Variants in CACNA1C observed in about 807,000 individuals in gnomAD.
CACNA1C encodes voltage-dependent L-type calcium channel subunit alpha-1C.
Under a neutral mutation model 229.0 loss-of-function variants are expected in CACNA1C, and 30 were observed. That is an observed-to-expected ratio of 0.13 (90% CI 0.10 to 0.18). CACNA1C has a LOEUF of 0.18. Among genes scored for constraint, CACNA1C ranks in the 10% least tolerant of loss-of-function variants. CACNA1C has a pLI of 1.00. For missense variants in CACNA1C, 1,658 were observed against 2,845.0 expected (o/e 0.58, Z 9.49); for synonymous variants, 1,114 against 1,132.5 (o/e 0.98, Z 0.33).
intron 1 of CACNA1C, among the ~76,000 whole-genome samples, chr12:2,110,284 A>AG (rs1164393688): frequency 6.6e-6 from 1 of 152,208 alleles, no homozygotes; most frequent in East Asian, 1.9e-4. Flanking sequence ...TGCTGTCTTC[A>AG]GGGGAGCTGG....
chr12:2,531,927 AACTTACCAGTC>A (rs1797265905), intron 9 of CACNA1C, among the ~76,000 whole-genome samples: 1 of 152,104 alleles, frequency 6.6e-6, no homozygotes, highest in African/African-American at 2.4e-5. Context: ...TCCGTGTAGG[AACTTACCAGTC>A]ACAAAAAACC....
intron 29 of CACNA1C, among the ~76,000 whole-genome samples, chr12:2,617,143 TC>T (rs2081062002): frequency 6.6e-6 from 1 of 152,140 alleles, no homozygotes; most frequent in Non-Finnish European, 1.5e-5. Flanking sequence ...GTTTCTCCGG[TC>T]CCCCACCTGT....
chr12:2,665,760 T>C lies in CACNA1C; in HGVS notation c.4526+52T>C. ...TCCCCAAGCTGAGAGAGGGTATAGC[T>C]GACCATACCTGCAGGAGGGGCTCAA... On this transcript the variant is annotated intron_variant, in intron 36 of 46. Transcript: ENST00000399655. The surrounding 1 kb of genome is among the most constrained non-coding windows in gnomAD (Gnocchi z 5.9). The C allele has an allele frequency of 6.4e-7, 1 of 1,562,782 alleles. No homozygotes were observed. The highest frequency in any genetic ancestry group is 1.4e-5 in the African/African-American group (1 of 73,412).
intron 3 of CACNA1C, among the ~76,000 whole-genome samples, chr12:2,176,693 C>T (rs537219306): frequency 2.6e-5 from 4 of 152,104 alleles, no homozygotes; most frequent in Admixed American, 6.5e-5. Flanking sequence ...CATTCTCGAG[C>T]GCTTCAGGAC....
intron 5 of CACNA1C, among the ~76,000 whole-genome samples, chr12:2,464,965 A>G (rs2099540909): frequency 6.6e-6 from 1 of 152,244 alleles, no homozygotes; most frequent in Admixed American, 6.5e-5. Context: ...GAATCAGACT[A>G]CTTACTGGCT....
intron 3 of CACNA1C, among the ~76,000 whole-genome samples, chr12:2,438,798 G>A (rs1157116828): frequency 1.3e-5 from 2 of 152,080 alleles, no homozygotes; most frequent in Non-Finnish European, 2.9e-5. Context: ...ACCCATGATG[G>A]GGGCCTGAGT....
intron 43 of CACNA1C, among the ~76,000 whole-genome samples, chr12:2,683,725 ATT>A (rs2097294619): frequency 6.6e-6 from 1 of 152,102 alleles, no homozygotes; most frequent in Non-Finnish European, 1.5e-5. Flanking sequence ...CCACTTCTCT[ATT>A]ATTTTCTGAG....
intron 3 of CACNA1C, among the ~76,000 whole-genome samples, chr12:2,398,991 A>G (rs1165335146): frequency 6.6e-6 from 1 of 152,166 alleles, no homozygotes; most frequent in Non-Finnish European, 1.5e-5. Flanking sequence ...GGCTTTGGGT[A>G]CAGTTTGACC....
intron 3 of CACNA1C, among the ~76,000 whole-genome samples, chr12:2,418,888 G>A (rs888229521): frequency 6.6e-5 from 10 of 152,134 alleles, no homozygotes; most frequent in African/African-American, 1.9e-4. Flanking sequence ...GGAGCTGAGG[G>A]GTTCTTTACC....
chr12:2,131,850 T>G (rs896713477), intron 3 of CACNA1C, among the ~76,000 whole-genome samples: 1 of 148,518 alleles, frequency 6.7e-6, no homozygotes, highest in African/African-American at 2.6e-5. Context: ...AGAAAGTCAT[T>G]GGTAGCTTGA....
At chr12:2,294,288 G>A (rs1487161657) in intron 3 of CACNA1C, among the ~76,000 whole-genome samples, 1 of 152,128 alleles carries the variant, frequency 6.6e-6, no homozygotes, top group Non-Finnish European at 1.5e-5. Context: ...AGCGGTGGTG[G>A]GTCCTGGCAG....
chr12:2,587,642 G>A (rs923066871), intron 18 of CACNA1C, among the ~76,000 whole-genome samples: 2 of 152,104 alleles, frequency 1.3e-5, no homozygotes, highest in African/African-American at 2.4e-5. Flanking sequence ...TCACCAGGTC[G>A]GCCATCCTAG....
chr12:2,552,623 T>C (rs1193071982), intron 10 of CACNA1C, among the ~76,000 whole-genome samples: 1 of 152,112 alleles, frequency 6.6e-6, no homozygotes, highest in Non-Finnish European at 1.5e-5. Flanking sequence ...CAGGGAGGAA[T>C]GAGAAGCTGC....
At chr12:2,083,909 A>G (rs1477704528) in intron 1 of CACNA1C, among the ~76,000 whole-genome samples, 1 of 152,270 alleles carries the variant, frequency 6.6e-6, no homozygotes, top group Non-Finnish European at 1.5e-5. Flanking sequence ...CACTGGGAAT[A>G]AAACACTGAA....
In CACNA1C at chr12:2,697,620, A is replaced by T. The variant is rs1458853761; in HGVS notation, c.*6421A>T. 1 of 151,808 alleles carries T rather than the reference A, an allele frequency of 6.6e-6. No homozygotes were observed. Among genetic ancestry groups the T allele is most frequent in the African/African-American group, 2.4e-5 (1 of 41,284 alleles). 9.4% of individuals were successfully genotyped at this position (151,808 alleles called of 1,614,324 possible). A position where few individuals can be genotyped will look rare whatever the true frequency, so the allele number is the denominator to read the frequency against. Reference sequence around the variant, plus strand: ...AAAGATGGGCAGTGCCTCCGTTGTCACCATTCCCCACACCCCTACACACCC... The same window carrying T: ...AAAGATGGGCAGTGCCTCCGTTGTCTCCATTCCCCACACCCCTACACACCC... On this transcript the variant is annotated 3_prime_UTR_variant, in exon 47 of 47. Coordinates refer to ENST00000399655, the MANE Select transcript of CACNA1C (RefSeq NM_000719.7).
At chr12:2,185,297 T>C (rs2096963276) in intron 3 of CACNA1C, among the ~76,000 whole-genome samples, 2 of 152,180 alleles carry the variant, frequency 1.3e-5, no homozygotes. Context: ...GAGCACTTCC[T>C]GCACCGCTCC....
intron 3 of CACNA1C, among the ~76,000 whole-genome samples, chr12:2,425,928 C>A (rs2239071): frequency 6.6e-6 from 1 of 151,884 alleles, no homozygotes; most frequent in East Asian, 1.9e-4. Context: ...AGGGGTCTTC[C>A]TTGCTTTGGT....
chr12:2,076,672 T>G (rs1315172720), intron 1 of CACNA1C, among the ~76,000 whole-genome samples: 1 of 152,256 alleles, frequency 6.6e-6, no homozygotes, highest in African/African-American at 2.4e-5. Context: ...ATTATTTGCC[T>G]CTGGCTTTTT....
intron 3 of CACNA1C, among the ~76,000 whole-genome samples, chr12:2,217,122 G>T (rs1033987740): frequency 2.6e-5 from 4 of 152,194 alleles, no homozygotes; most frequent in African/African-American, 9.7e-5. Flanking sequence ...GATGAACCTT[G>T]AGAACATTAT....
Sources: allele counts gnomAD v4.1 joint callset (sites outside exome capture counted in the v4.1 genomes callset), GRCh38; gene constraint gnomAD v4.1.1; non-coding constraint Gnocchi (gnomAD v3.1); transcripts MANE v1.5; gene names NCBI Gene and HGNC (gene_info 2026-07-23, HGNC 2026-07-21).